Variants in GLRA2 observed in about 807,000 individuals in gnomAD.
GLRA2 encodes the protein glycine receptor subunit alpha-2.
In GLRA2, 11 loss-of-function variants were observed where a neutral mutation model predicts 31.6. The observed-to-expected ratio is 0.35, with a 90% CI of 0.22 to 0.58. GLRA2 has a LOEUF of 0.58. Ranked by LOEUF, GLRA2 falls within the 20% of genes least tolerant of loss-of-function variation. The pLI is 0.84. For missense variants in GLRA2, 212 were observed against 351.8 expected, an observed-to-expected ratio of 0.60 and a Z score of 3.18; for synonymous variants, 132 against 134.0, an observed-to-expected ratio of 0.99 and a Z score of 0.10.
At chrX:14,627,051 A>G (rs1212991452) in intron 7 of GLRA2, among the ~76,000 whole-genome samples, 1 of 111,297 alleles carries the variant, frequency 9.0e-6, no homozygotes, top group Non-Finnish European at 1.9e-5. Context: ...TGACCTGGGT[A>G]GTGGTTACAT....
the GLRA2 span, among the ~76,000 whole-genome samples, chrX:14,471,196 T>G: frequency 8.9e-6 from 1 of 111,867 alleles, no homozygotes; most frequent in South Asian, 3.7e-4. Flanking sequence ...ATTAAACACA[T>G]TAATGAGAAG....
At chrX:14,536,088 C>T (rs1295289314) in intron 2 of GLRA2, among the ~76,000 whole-genome samples, 3 of 112,095 alleles carry the variant, frequency 2.7e-5, no homozygotes, top group African/African-American at 6.5e-5. Context: ...CTGCCATGCA[C>T]ACTATTTTTT....
At chrX:14,609,322 T>A in intron 7 of GLRA2, 117 bp downstream of exon 7, 1 of 424,720 alleles carries the variant, frequency 2.4e-6, no homozygotes, top group Non-Finnish European at 4.0e-6. Flanking sequence ...TAGATATGAA[T>A]GCAATAAGAG....
At chrX:14,568,208 C>A (rs1189214248) in intron 2 of GLRA2, among the ~76,000 whole-genome samples, 1 of 112,080 alleles carries the variant, frequency 8.9e-6, no homozygotes, top group Non-Finnish European at 1.9e-5. Flanking sequence ...GAAGGACTCA[C>A]AATTCCTAAC....
intron 2 of GLRA2, among the ~76,000 whole-genome samples, chrX:14,562,896 A>G (rs1260546430): frequency 8.9e-6 from 1 of 111,872 alleles, no homozygotes; most frequent in East Asian, 2.8e-4. Flanking sequence ...TCAGCCTATG[A>G]CAATGCTCAT....
the GLRA2 span, among the ~76,000 whole-genome samples, chrX:14,470,411 C>A: frequency 9.0e-6 from 1 of 111,567 alleles, no homozygotes; most frequent in African/African-American, 3.3e-5. Context: ...TTGATCCAAG[C>A]ATAATTTATG....
intron 4 of GLRA2, among the ~76,000 whole-genome samples, chrX:14,593,007 A>C (rs1402856748): frequency 8.9e-6 from 1 of 111,842 alleles, no homozygotes; most frequent in African/African-American, 3.2e-5. Flanking sequence ...GGAAAACCAG[A>C]GGTTCTGGTG....
intron 3 of GLRA2, among the ~76,000 whole-genome samples, chrX:14,579,293 T>G (rs2089990112): frequency 9.0e-6 from 1 of 111,365 alleles, no homozygotes; most frequent in Admixed American, 9.6e-5. Flanking sequence ...TTTCTTATTT[T>G]TGACTTCTTA....
At chrX:14,518,363 C>G in the GLRA2 span, among the ~76,000 whole-genome samples, 1 of 111,948 alleles carries the variant, frequency 8.9e-6, no homozygotes, top group Admixed American at 9.4e-5. Flanking sequence ...GGTTCTTCCT[C>G]TAAATATGCA....
intron 1 of GLRA2, chrX:14,530,979 A>T: frequency 1.2e-6 from 1 of 868,244 alleles, no homozygotes; most frequent in Non-Finnish European, 1.5e-6. Context: ...CAGAACCAAG[A>T]TAAATGGAAC....
intron 8 of GLRA2, among the ~76,000 whole-genome samples, chrX:14,723,117 T>C (rs2091885591): frequency 8.9e-6 from 1 of 112,317 alleles, no homozygotes; most frequent in African/African-American, 3.2e-5. Flanking sequence ...GAGATCTCTC[T>C]GAGTTACAGA....
chrX:14,489,891 C>A, the GLRA2 span, among the ~76,000 whole-genome samples: 5 of 111,314 alleles, frequency 4.5e-5, no homozygotes, highest in Non-Finnish European at 9.4e-5. Flanking sequence ...CATTGCTTAT[C>A]TAAAGTGATT....
the GLRA2 span, among the ~76,000 whole-genome samples, chrX:14,497,065 C>T: frequency 2.7e-5 from 3 of 112,186 alleles, no homozygotes; most frequent in Admixed American, 9.5e-5. Flanking sequence ...CTACCAAACA[C>T]CATGCGTCTG....
At chrX:14,569,165 G>C (rs1367862852) in intron 2 of GLRA2, among the ~76,000 whole-genome samples, 1 of 110,411 alleles carries the variant, frequency 9.1e-6, no homozygotes, top group Non-Finnish European at 1.9e-5. Flanking sequence ...TGAGGTAGGA[G>C]AATCACTTGA....
chrX:14,561,532 T>C (rs779123742), intron 2 of GLRA2, among the ~76,000 whole-genome samples: 4 of 112,403 alleles, frequency 3.6e-5, no homozygotes, highest in African/African-American at 6.5e-5. Flanking sequence ...GACAGAGGCC[T>C]TGTGGCCCAC....
chrX:14,482,791 A>G, the GLRA2 span, among the ~76,000 whole-genome samples: 34 of 110,711 alleles, frequency 3.1e-4, no homozygotes, highest in African/African-American at 1.0e-3. Flanking sequence ...TTGTCATCAT[A>G]GGGTATTTTT....
chrX:14,557,139 G>A (rs1235430646), intron 2 of GLRA2, among the ~76,000 whole-genome samples: 4 of 75,519 alleles, frequency 5.3e-5, no homozygotes, highest in Admixed American at 1.7e-4. Context: ...TTTTTGAGAC[G>A]GAGTCTCGCT....
intron 7 of GLRA2, among the ~76,000 whole-genome samples, chrX:14,687,778 T>A (rs2091296117): frequency 8.9e-6 from 1 of 112,455 alleles, no homozygotes; most frequent in Admixed American, 9.4e-5. Flanking sequence ...AGAAGTTTGA[T>A]CATCTGAAGC....
rs369673191 is a variant in GLRA2, at chrX:14,609,011, G to A, written c.736G>A (p.Val246Ile). The change falls in exon 7 of 9, where the codon GTC (valine) becomes ATC (isoleucine). Residue 246 changes from valine (V) to isoleucine (I), a missense_variant. Physicochemically the swap from Val to Ile is conservative, Grantham distance 29 (BLOSUM62 3). Transcript: ENST00000218075. Reference protein sequence around the residue: ...YNTGKFTCIEVKFHLERQMGY... With the variant: ...YNTGKFTCIEIKFHLERQMGY... ...TCTAGGAAAGTTTACCTGCATTGAG[G>A]TCAAGTTTCATCTGGAACGCCAAAT... 1.8e-6 allele frequency: 2 copies of A among 1,136,201 alleles called. No homozygotes were observed. Among genetic ancestry groups the A allele is most frequent in the Non-Finnish European group, 2.4e-6 (2 of 827,982 alleles). 93.6% of individuals were successfully genotyped at this position (1,136,201 alleles called of 1,213,427 possible). A position where few individuals can be genotyped will look rare whatever the true frequency, so the allele number is the denominator to read the frequency against.
Sources: gnomAD v4.1 joint callset for allele counts (sites outside exome capture counted in the v4.1 genomes callset) on GRCh38, gnomAD v4.1.1 for gene constraint, MANE v1.5 for transcripts, NCBI Gene and HGNC (gene_info 2026-07-23, HGNC 2026-07-21) for gene names.